TMTC1: variants seen among roughly 807,000 people sequenced by gnomAD.
TMTC1 encodes the protein protein O-mannosyl-transferase TMTC1.
TMTC1 carries 73 observed loss-of-function variants against 104.8 expected under a neutral mutation model. That is an observed-to-expected ratio of 0.70 (90% CI 0.58 to 0.85). TMTC1 has a LOEUF of 0.85. Ranked by LOEUF, TMTC1 falls within the 40% of genes least tolerant of loss-of-function variation. TMTC1 has a pLI of 0.00. For synonymous variants in TMTC1, 434 were observed against 428.7 expected (o/e 1.01, Z -0.15); for missense variants, 1,035 against 1,096.1 (o/e 0.94, Z 0.79).
chr12:29,762,976 C>A (rs143481052), intron 2 of TMTC1, among the ~76,000 whole-genome samples: 404 of 152,360 alleles, frequency 2.7e-3, no homozygotes, highest in Middle Eastern at 0.01. Context: ...TAGCAACAGT[C>A]TTGAGATAAG....
Position 29,583,533 on chromosome 12 carries a change from A to T in TMTC1, c.1292T>A (p.Leu431His). 6.2e-7 allele frequency: 1 copy of T among 1,613,842 alleles called. No individual in the cohort carries two copies. Among genetic ancestry groups the T allele is most frequent in the Non-Finnish European group, 8.5e-7 (1 of 1,179,852 alleles). The stretch of plus-strand genomic sequence containing the variant: ...CCCACATCGATTCAGCCAAGTGCAG[A>T]GCTTGCTCAGTCCATGCACAAAAAG... ...CILFVHGLSKLCTWLNRCGAT... is the reference protein window; with the variant it reads ...CILFVHGLSKHCTWLNRCGAT... Residue 431 changes from leucine to histidine, a missense_variant, in exon 8 of 18, where the codon CTC becomes CAC. Coordinates refer to ENST00000539277, the MANE Select transcript of TMTC1 (RefSeq NM_001193451.2).
At chr12:29,723,653 A>G (rs543837683) in intron 5 of TMTC1, among the ~76,000 whole-genome samples, 6 of 152,222 alleles carry the variant, frequency 3.9e-5, no homozygotes, top group African/African-American at 1.4e-4. Flanking sequence ...TCAAGACTAC[A>G]GTGAGCTAAG....
intron 10 of TMTC1, among the ~76,000 whole-genome samples, chr12:29,548,328 G>A (rs568937027): frequency 7.6e-4 from 115 of 152,304 alleles, no homozygotes; most frequent in African/African-American, 2.7e-3. Context: ...GTGAAAAATG[G>A]CACAATTATT....
At chr12:29,577,603 T>G (rs1197985672) in intron 8 of TMTC1, among the ~76,000 whole-genome samples, 1 of 152,096 alleles carries the variant, frequency 6.6e-6, no homozygotes, top group African/African-American at 2.4e-5. Flanking sequence ...CCTCTCATTT[T>G]ACACAAGAGA....
chr12:29,746,239 C>T (rs1942952875), intron 5 of TMTC1, among the ~76,000 whole-genome samples: 1 of 152,136 alleles, frequency 6.6e-6, no homozygotes, highest in African/African-American at 2.4e-5. Flanking sequence ...CTCCACACCT[C>T]TTATTCAGTC....
rs1227801384 is a variant in TMTC1 at position 29,783,753 on chromosome 12, G to GCGC, written c.-5_-3dup. Reference sequence around the variant, plus strand: ...TCGGGCAGAGGTGGTCACCACCATCGCGCCGCCGCCGCCGCTGCTGCCCTG... The same window carrying GCGC: ...TCGGGCAGAGGTGGTCACCACCATCGCGCCGCCGCCGCCGCCGCTGCTGCCCTG... On this transcript the variant is annotated 5_prime_UTR_variant, in exon 1 of 18. Coordinates refer to ENST00000539277, the MANE Select transcript of TMTC1 (RefSeq NM_001193451.2). This position sits in a 1 kb window ranked among gnomAD's most constrained non-coding sequence, Gnocchi z 4.7. The GCGC allele has an allele frequency of 4.9e-5, 57 of 1,162,634 alleles. No homozygotes were observed. The South Asian group carries it at 5.0e-4, about 10-fold the overall frequency. The allele number at this position is 1,162,634 out of a possible 1,614,324, so 72.0% of individuals were successfully genotyped here.
intron 5 of TMTC1, chr12:29,660,896 A>C: frequency 6.8e-7 from 1 of 1,476,852 alleles, no homozygotes; most frequent in Non-Finnish European, 9.0e-7. Context: ...CTAAAACGGG[A>C]AAGAAAAAAA....
At position 29,514,597 on chromosome 12, in the gene TMTC1, T is replaced by C; in HGVS notation, c.2315A>G (p.Asp772Gly). ...CAGCTGGAGAGCCTTGTCTATAGCA[T>C]CAAGTGCCTGCAGAGGTTGGAAATT... ...SKQENHDKAL[D>G]AIDKALQLKP... Residue 772 changes from aspartate (D) to glycine (G), a missense_variant, in exon 16 of 18, where the codon GAT (aspartate) becomes GGT (glycine). Coordinates refer to ENST00000539277, the MANE Select transcript of TMTC1 (RefSeq NM_001193451.2). 1 of 1,611,486 alleles carries C rather than the reference T, an allele frequency of 6.2e-7. No homozygotes were observed. The highest frequency in any genetic ancestry group is 8.5e-7 in the Non-Finnish European group (1 of 1,179,428).
chr12:29,682,811 G>C (rs902551477), intron 5 of TMTC1, among the ~76,000 whole-genome samples: 1 of 152,140 alleles, frequency 6.6e-6, no homozygotes, highest in African/African-American at 2.4e-5. Context: ...TGGGTTGACA[G>C]AGTAGCTATA....
intron 9 of TMTC1, 91 bp from the exon 10 acceptor site, chr12:29,557,091 C>A: frequency 7.2e-7 from 1 of 1,397,068 alleles, no homozygotes; most frequent in Non-Finnish European, 9.8e-7. Context: ...GTATGAACAG[C>A]CAAAATGAAA....
chr12:29,550,250 A>G (rs1463955266), intron 10 of TMTC1, among the ~76,000 whole-genome samples: 3 of 152,080 alleles, frequency 2.0e-5, no homozygotes, highest in African/African-American at 7.3e-5. Flanking sequence ...AATGTTGGTA[A>G]AAGTGTGAAA....
At chr12:29,569,685 AAAC>A (rs762127082) in intron 9 of TMTC1, among the ~76,000 whole-genome samples, 28 of 152,216 alleles carry the variant, frequency 1.8e-4, no homozygotes, top group African/African-American at 2.9e-4. Flanking sequence ...ATTTCTTAAA[AAAC>A]AACAACAACA....
chr12:29,654,884 T>G (rs917057254), intron 5 of TMTC1, among the ~76,000 whole-genome samples: 45 of 152,076 alleles, frequency 3.0e-4, no homozygotes, highest in African/African-American at 1.0e-3. Context: ...GATTCTGTTT[T>G]TTGTTGTTGT....
intron 5 of TMTC1, among the ~76,000 whole-genome samples, chr12:29,706,063 G>A (rs1331922726): frequency 6.6e-6 from 1 of 152,118 alleles, no homozygotes; most frequent in African/African-American, 2.4e-5. Flanking sequence ...TTCTCCCAAA[G>A]CTTACCAGAA....
chr12:29,602,518 C>A (rs1050284844), intron 7 of TMTC1, among the ~76,000 whole-genome samples: 10 of 152,102 alleles, frequency 6.6e-5, no homozygotes, highest in Non-Finnish European at 1.0e-4. Flanking sequence ...GATGAGAAAA[C>A]AAGCTTAGAG....
chr12:29,662,252 C>T (rs1053030619), intron 5 of TMTC1, among the ~76,000 whole-genome samples: 5 of 152,140 alleles, frequency 3.3e-5, no homozygotes, highest in African/African-American at 1.2e-4. Flanking sequence ...TTAAAATCTG[C>T]ATGAGGTCTC....
intron 10 of TMTC1, among the ~76,000 whole-genome samples, chr12:29,543,246 G>A (rs1944850955): frequency 6.6e-6 from 1 of 152,092 alleles, no homozygotes. Context: ...CACTTTCATG[G>A]CTCCATGTCA....
intron 3 of TMTC1, among the ~76,000 whole-genome samples, chr12:29,758,500 A>T (rs1279764175): frequency 1.3e-5 from 2 of 152,184 alleles, no homozygotes; most frequent in African/African-American, 2.4e-5. Flanking sequence ...CAATCCCTTT[A>T]AGGTGCTACA....
chr12:29,769,216 A>C (rs1943541923), intron 1 of TMTC1, among the ~76,000 whole-genome samples: 1 of 152,234 alleles, frequency 6.6e-6, no homozygotes, highest in Admixed American at 6.5e-5. Flanking sequence ...CTCAAGATTT[A>C]TTTGGACATA....
Sources: allele counts gnomAD v4.1 joint callset (sites outside exome capture counted in the v4.1 genomes callset), GRCh38; gene constraint gnomAD v4.1.1; non-coding constraint Gnocchi (gnomAD v3.1); transcripts MANE v1.5; gene names NCBI Gene and HGNC (gene_info 2026-07-23, HGNC 2026-07-21).